The following FHOD3 variants were observed in gnomAD, a reference collection of about 807,000 sequenced individuals.
The protein encoded by FHOD3 is FH1/FH2 domain-containing protein 3.
In FHOD3, 90 loss-of-function variants were observed where a neutral mutation model predicts 173.0. The observed-to-expected ratio is 0.52, with a 90% confidence interval of 0.44 to 0.62. FHOD3 has a LOEUF of 0.62. Among genes scored for constraint, FHOD3 ranks in the 20% least tolerant of loss-of-function variants. FHOD3 has a pLI of 0.00. For missense variants in FHOD3, 1,945 were observed against 2,034.7 expected (o/e 0.96, Z 0.85); for synonymous variants, 828 against 823.0 (o/e 1.01, Z -0.10).
chr18:36,485,623 A>G (rs2054154756), intron 3 of FHOD3, among the ~76,000 whole-genome samples: 1 of 152,194 alleles, frequency 6.6e-6, no homozygotes, highest in Non-Finnish European at 1.5e-5. Flanking sequence ...TCTTCCTTTT[A>G]GTGACAAGTG....
chr18:36,772,945 A>G (rs2043454964), intron 28 of FHOD3, among the ~76,000 whole-genome samples: 1 of 152,226 alleles, frequency 6.6e-6, no homozygotes. Context: ...GTACCTATGC[A>G]TGAGCACAAG....
At chr18:36,398,691 T>C (rs542135770) in intron 3 of FHOD3, among the ~76,000 whole-genome samples, 87 of 152,338 alleles carry the variant, frequency 5.7e-4, no homozygotes, top group Non-Finnish European at 6.5e-4. Flanking sequence ...AAGCGAGTGG[T>C]CAGTGTAATC....
intron 3 of FHOD3, among the ~76,000 whole-genome samples, chr18:36,388,785 A>G (rs772750074): frequency 1.1e-4 from 16 of 152,226 alleles, no homozygotes; most frequent in Admixed American, 6.5e-4. Context: ...AACAATGAAG[A>G]TGGGAGAATA....
chr18:36,467,777 G>C (rs1323493629), intron 3 of FHOD3, among the ~76,000 whole-genome samples: 1 of 152,194 alleles, frequency 6.6e-6, no homozygotes, highest in African/African-American at 2.4e-5. Context: ...TGGGGTGGGC[G>C]TTGCCCTGCC....
chr18:36,368,897 C>T (rs1197029162), intron 2 of FHOD3, among the ~76,000 whole-genome samples: 1 of 152,058 alleles, frequency 6.6e-6, no homozygotes, highest in African/African-American at 2.4e-5. Flanking sequence ...ATCCAATCAC[C>T]CCCCACCAGG....
In FHOD3 at chr18:36,718,271, A is replaced by G; in HGVS notation, c.2973A>G (p.Arg991=). Residue 991 remains arginine, a synonymous_variant, in exon 19 of 29, where the codon AGA becomes AGG. Transcript: ENST00000590592. The part of the protein sequence containing the change: ...DQLMANPREL[R]IQDMDFTDLG... ...TCATGGCCAATCCAAGAGAGCTCAGAATCCAAGACATGGATTTCACTGACC... is the reference window on the plus strand; with the variant it reads ...TCATGGCCAATCCAAGAGAGCTCAGGATCCAAGACATGGATTTCACTGACC... 6.2e-7 allele frequency: 1 copy of G among 1,614,168 alleles called. No individual in the cohort carries two copies. Among genetic ancestry groups the G allele is most frequent in the African/African-American group, 1.3e-5 (1 of 75,034 alleles).
intron 1 of FHOD3, among the ~76,000 whole-genome samples, chr18:36,338,053 G>A (rs968353996): frequency 3.3e-5 from 5 of 152,182 alleles, no homozygotes; most frequent in African/African-American, 1.2e-4. Flanking sequence ...ATTACTAAGG[G>A]AACGGAGTAG....
At chr18:36,508,091 C>CGT in intron 4 of FHOD3, among the ~76,000 whole-genome samples, 1 of 152,108 alleles carries the variant, frequency 6.6e-6, no homozygotes, top group African/African-American at 2.4e-5. Context: ...TTACAATAAT[C>CGT]ATATTGGTGG....
chr18:36,769,994 CAA>C (rs1858603289), intron 28 of FHOD3, among the ~76,000 whole-genome samples: 1 of 152,222 alleles, frequency 6.6e-6, no homozygotes, highest in Non-Finnish European at 1.5e-5. Context: ...TCAACTAAAT[CAA>C]AGTGACTGAT....
intron 14 of FHOD3, among the ~76,000 whole-genome samples, chr18:36,659,417 C>T (rs890492729): frequency 1.3e-5 from 2 of 152,226 alleles, no homozygotes; most frequent in Non-Finnish European, 2.9e-5. Context: ...CCCTAGGGCA[C>T]CTCCTGTTGG....
intron 3 of FHOD3, among the ~76,000 whole-genome samples, chr18:36,408,980 C>G (rs1169417410): frequency 1.3e-5 from 2 of 152,160 alleles, no homozygotes; most frequent in Non-Finnish European, 2.9e-5. Flanking sequence ...CTCACTCCCC[C>G]TGCTGGGGAG....
intron 20 of FHOD3, among the ~76,000 whole-genome samples, chr18:36,731,473 G>A (rs987314695): frequency 1.3e-5 from 2 of 152,254 alleles, no homozygotes; most frequent in Admixed American, 6.5e-5. Flanking sequence ...GAGCAGAGCC[G>A]ATGTGTCCCA....
At chr18:36,429,341 A>C (rs145888318) in intron 3 of FHOD3, among the ~76,000 whole-genome samples, 29 of 152,328 alleles carry the variant, frequency 1.9e-4, no homozygotes, top group African/African-American at 6.3e-4. Context: ...AGAGAAGTGA[A>C]GAACTAAGTA....
chr18:36,459,948 C>T (rs2052452849), intron 3 of FHOD3, among the ~76,000 whole-genome samples: 1 of 152,130 alleles, frequency 6.6e-6, no homozygotes, highest in Admixed American at 6.5e-5. Flanking sequence ...TTGGCTGTGA[C>T]AGTTTCTCAG....
chr18:36,332,058 G>C (rs1306283278), intron 1 of FHOD3, among the ~76,000 whole-genome samples: 1 of 152,206 alleles, frequency 6.6e-6, no homozygotes, highest in Non-Finnish European at 1.5e-5. Context: ...CTCCTCACCA[G>C]TCCCTTCCTC....
At chr18:36,376,791 C>T (rs923578223) in intron 3 of FHOD3, among the ~76,000 whole-genome samples, 6 of 152,206 alleles carry the variant, frequency 3.9e-5, no homozygotes, top group African/African-American at 9.7e-5. Context: ...ATCATGCAGC[C>T]GTGTGCTTTG....
intron 21 of FHOD3, among the ~76,000 whole-genome samples, 181 bp from the exon 22 acceptor site, chr18:36,742,556 G>T (rs2041954729): frequency 2.6e-5 from 4 of 152,100 alleles, no homozygotes; most frequent in Admixed American, 2.6e-4. Context: ...TCCACTGCAG[G>T]GTCTGGGGAG....
Position 36,402,536 on chromosome 18 carries a change from C to CACAT in FHOD3, c.337+29795_337+29796insTACA, listed in dbSNP as rs2048868507. ...ACACACACACACACACACACACACA[C>CACAT]ACACACACATATGAAAATACCCCAG... On this transcript the variant is annotated intron_variant, in intron 3 of 28. Transcript: ENST00000590592. Among the ~76,000 whole-genome samples, 4 of 151,626 alleles carry CACAT rather than the reference C, an allele frequency of 2.6e-5. No homozygotes were observed. The South Asian group carries it at 8.3e-4, about 32-fold the overall frequency.
chr18:36,482,914 A>G (rs2054006905), intron 3 of FHOD3, among the ~76,000 whole-genome samples: 1 of 148,630 alleles, frequency 6.7e-6, no homozygotes, highest in East Asian at 2.0e-4. Flanking sequence ...ATTGTAGACT[A>G]CCTGCCAGGT....
Sources: gnomAD v4.1 joint callset for allele counts (sites outside exome capture counted in the v4.1 genomes callset) on GRCh38, gnomAD v4.1.1 for gene constraint, MANE v1.5 for transcripts, NCBI Gene and HGNC (gene_info 2026-07-23, HGNC 2026-07-21) for gene names.